Variants in SOCS4 observed in about 807,000 individuals in gnomAD.
The protein encoded by SOCS4 is suppressor of cytokine signaling 4, also known as SH2 domain containing SOCS box protein.
In SOCS4, 20 loss-of-function variants were observed where a neutral mutation model predicts 34.1. The observed-to-expected ratio is 0.59, with a 90% CI of 0.41 to 0.85. The LOEUF (loss-of-function observed/expected upper bound fraction) is 0.85, where lower values mean the gene tolerates loss of function less well. Among genes scored for constraint, SOCS4 ranks in the 40% least tolerant of loss-of-function variants. The probability of loss-of-function intolerance (pLI) is 0.00; values close to 1 mark genes in which losing one functional copy is unlikely to be tolerated. For synonymous variants in SOCS4, 180 were observed against 186.4 expected, an observed-to-expected ratio of 0.97 and a Z score of 0.28; for missense variants, 479 against 532.4, an observed-to-expected ratio of 0.90 and a Z score of 0.99.
chr14:55,043,732 G>C lies in SOCS4; in HGVS notation c.691G>C (p.Asp231His). 6.2e-7 allele frequency: 1 copy of C among 1,614,062 alleles called. No individual in the cohort carries two copies. The highest frequency in any genetic ancestry group is 8.5e-7 in the Non-Finnish European group (1 of 1,179,996). Residue 231 changes from aspartate (D) to histidine (H), a missense_variant, in exon 3 of 3, where the codon GAT becomes CAT. Asp to His is a moderately conservative substitution (Grantham distance 81, BLOSUM62 -1). Transcript: ENST00000555846. ...TATAGAAGATAGTGATATGGATTCC[G>C]ATGATGAAATTCTAACACTTTGCAC... ...NSIEDSDMDSDDEILTLCTSS... is the reference protein window; with the variant it reads ...NSIEDSDMDSHDEILTLCTSS...
intron 1 of SOCS4, among the ~76,000 whole-genome samples, chr14:55,028,688 T>C (rs565983851): frequency 6.6e-6 from 1 of 152,328 alleles, no homozygotes; most frequent in African/African-American, 2.4e-5. Flanking sequence ...TGTCCACACA[T>C]CTGTCATTTT....
intron 1 of SOCS4, among the ~76,000 whole-genome samples, chr14:55,028,909 A>G (rs1253264821): frequency 6.6e-6 from 1 of 152,220 alleles, no homozygotes; most frequent in Non-Finnish European, 1.5e-5. Flanking sequence ...TCGCATTGTT[A>G]GAGTATATAG....
At position 55,045,794 on chromosome 14, in the gene SOCS4, TGCTAGTTTA is replaced by T. The variant is rs1355565832; in HGVS notation, c.*1435_*1443del. ...TTTAATATCGTAACTGATTTCTTGA[TGCTAGTTTA>T]GCTATATTAGGAAACTGCTTCTACC... On this transcript the variant is annotated 3_prime_UTR_variant, in exon 3 of 3. Transcript: ENST00000555846. 1 of 167,002 alleles carries T rather than the reference TGCTAGTTTA, an allele frequency of 6.0e-6. No homozygotes were observed. The highest frequency in any genetic ancestry group is 2.4e-5 in the African/African-American group (1 of 41,454). The allele number at this position is 167,002 out of a possible 1,614,324, so 10.3% of individuals were successfully genotyped here. A position where few individuals can be genotyped will look rare whatever the true frequency, so the allele number is the denominator to read the frequency against.
At chr14:55,034,271 A>G (rs1012566729) in intron 2 of SOCS4, among the ~76,000 whole-genome samples, 3 of 152,246 alleles carry the variant, frequency 2.0e-5, no homozygotes, top group East Asian at 1.9e-4. Flanking sequence ...CCATCTGACA[A>G]TGCATGATGG....
In SOCS4 at chr14:55,044,163, A is replaced by G; in HGVS notation, c.1122A>G (p.Glu374=). 6.2e-7 allele frequency: 1 copy of G among 1,614,052 alleles called. No individual in the cohort carries two copies. The change falls in exon 3 of 3, where the codon GAA becomes GAG. Residue 374 remains glutamate, a synonymous_variant. Coordinates refer to ENST00000555846, the MANE Select transcript of SOCS4 (RefSeq NM_199421.2). ...YKDPSACMFF[E]PLLSTPLIRT... The stretch of plus-strand genomic sequence containing the variant: ...ACCCAAGCGCCTGTATGTTCTTTGA[A>G]CCACTTCTATCCACTCCCTTAATTC...
chr14:55,044,012 T>C lies in SOCS4; in HGVS notation c.971T>C (p.Phe324Ser), dbSNP rs1476403295. ...AQEDYLFSVS[F>S]RRYSRSLHAR... ...GAAGACTATTTATTCTCTGTTAGTTTTAGACGCTATAGTCGTTCTCTTCAT... is the reference window on the plus strand; with the variant it reads ...GAAGACTATTTATTCTCTGTTAGTTCTAGACGCTATAGTCGTTCTCTTCAT... Residue 324 changes from phenylalanine to serine, a missense_variant, in exon 3 of 3, where the codon TTT (phenylalanine) becomes TCT (serine). Phe to Ser is a radical substitution (Grantham distance 155). Transcript: ENST00000555846. The C allele has an allele frequency of 6.2e-7, 1 of 1,614,156 alleles. No individual in the cohort carries two copies. Among genetic ancestry groups the C allele is most frequent in the Non-Finnish European group, 8.5e-7 (1 of 1,180,002 alleles).
At position 55,045,675 on chromosome 14, in the gene SOCS4, C is replaced by T; in HGVS notation, c.*1311C>T. ...CTAGTAAAAATAAATGGAGTGGTAT[C>T]CTATCTTCTTTTTTTAAGGAATCAA... On this transcript the variant is annotated 3_prime_UTR_variant, in exon 3 of 3. Transcript: ENST00000555846. The T allele has an allele frequency of 6.0e-6, 1 of 166,906 alleles. No homozygotes were observed. 10.3% of individuals were successfully genotyped at this position (166,906 alleles called of 1,614,324 possible).
At chr14:55,036,276 G>A (rs892587158) in intron 2 of SOCS4, among the ~76,000 whole-genome samples, 3 of 151,790 alleles carry the variant, frequency 2.0e-5, no homozygotes, top group African/African-American at 7.3e-5. Context: ...TTAGAATAAT[G>A]TACTTTGATG....
chr14:55,044,284 A>G lies in SOCS4; in HGVS notation c.1243A>G (p.Met415Val), dbSNP rs777594494. ...GIDALPIPSS[M>V]KLYLKEYHYK... Reference sequence around the variant, plus strand: ...CGATGCCCTTCCAATTCCTTCTTCTATGAAATTATATCTGAAGGAATATCA... The same window carrying G: ...CGATGCCCTTCCAATTCCTTCTTCTGTGAAATTATATCTGAAGGAATATCA... The change falls in exon 3 of 3, where the codon ATG (methionine) becomes GTG (valine). Residue 415 changes from methionine to valine, a missense_variant. Transcript: ENST00000555846. 6 of 1,613,794 alleles carry G rather than the reference A, an allele frequency of 3.7e-6. No homozygotes were observed. The highest frequency in any genetic ancestry group is 1.6e-4 in the Middle Eastern group (1 of 6,084).
intron 2 of SOCS4, among the ~76,000 whole-genome samples, chr14:55,041,410 C>G (rs2042616668): frequency 7.2e-6 from 1 of 138,596 alleles, no homozygotes; most frequent in Non-Finnish European, 1.6e-5. Context: ...TTTTTTGTTG[C>G]AAAATTTATT....
chr14:55,046,017 T>A lies in SOCS4; in HGVS notation c.*1653T>A, dbSNP rs552663785. The A allele has an allele frequency of 6.0e-6, 1 of 166,782 alleles. No homozygotes were observed. Among genetic ancestry groups the A allele is most frequent in the African/African-American group, 2.4e-5 (1 of 41,534 alleles). The allele number at this position is 166,782 out of a possible 1,614,324, so 10.3% of individuals were successfully genotyped here. On this transcript the variant is annotated 3_prime_UTR_variant, in exon 3 of 3. Transcript: ENST00000555846. ...AAATTAAGGAAAATCTCTATTACCGTTATCTTTTAGCATTTTTTTTTTCCT... is the reference window on the plus strand; with the variant it reads ...AAATTAAGGAAAATCTCTATTACCGATATCTTTTAGCATTTTTTTTTTCCT...
chr14:55,029,470 G>C (rs530613922), intron 1 of SOCS4, among the ~76,000 whole-genome samples: 3 of 152,222 alleles, frequency 2.0e-5, no homozygotes, highest in Admixed American at 1.3e-4. Context: ...ACTACCCTTA[G>C]ACTCACAAAT....
At chr14:55,041,850 G>C (rs1339719622) in intron 2 of SOCS4, among the ~76,000 whole-genome samples, 1 of 139,206 alleles carries the variant, frequency 7.2e-6, no homozygotes, top group Admixed American at 7.4e-5. Context: ...GGAGTGCCGT[G>C]GCGCAGTCTT....
rs2042672198 is a variant in SOCS4 at position 55,045,967 on chromosome 14, A to T, written c.*1603A>T. ...ATGGCATTTTTCCATAATAGCTTTAAAATAATTTTTTAGTAATTATTACAA... is the reference window on the plus strand; with the variant it reads ...ATGGCATTTTTCCATAATAGCTTTATAATAATTTTTTAGTAATTATTACAA... On this transcript the variant is annotated 3_prime_UTR_variant, in exon 3 of 3. Coordinates refer to ENST00000555846, the MANE Select transcript of SOCS4 (RefSeq NM_199421.2). 6.0e-6 allele frequency: 1 copy of T among 166,892 alleles called. No homozygotes were observed. Among genetic ancestry groups the T allele is most frequent in the African/African-American group, 2.4e-5 (1 of 41,460 alleles). The allele number at this position is 166,892 out of a possible 1,614,324, so 10.3% of individuals were successfully genotyped here.
chr14:55,035,679 A>G (rs1175990726), intron 2 of SOCS4, among the ~76,000 whole-genome samples: 1 of 152,216 alleles, frequency 6.6e-6, no homozygotes, highest in African/African-American at 2.4e-5. Flanking sequence ...TATATTGAGT[A>G]ATTAATACAT....
At chr14:55,037,604 C>T (rs2042584933) in intron 2 of SOCS4, among the ~76,000 whole-genome samples, 1 of 152,012 alleles carries the variant, frequency 6.6e-6, no homozygotes, top group Non-Finnish European at 1.5e-5. Context: ...AGCGATTCTC[C>T]TGCCTCAGCC....
intron 2 of SOCS4, among the ~76,000 whole-genome samples, chr14:55,037,746 G>A (rs879447502): frequency 1.6e-4 from 24 of 150,260 alleles, no homozygotes; most frequent in Non-Finnish European, 2.4e-4. Flanking sequence ...CTCCCGCCTC[G>A]GCCTCCCAAA....
In SOCS4 at chr14:55,043,228, A is replaced by G. The variant is rs2042636572; in HGVS notation, c.187A>G (p.Arg63Gly). Residue 63 changes from arginine to glycine, a missense_variant, in exon 3 of 3, where the codon AGG (arginine) becomes GGG (glycine). Coordinates refer to ENST00000555846, the MANE Select transcript of SOCS4 (RefSeq NM_199421.2). ...TATAGAGAAAACCGAAGTGTCTTTAAGGAACCAAGAAAGGAAGCACAGCTG... is the reference window on the plus strand; with the variant it reads ...TATAGAGAAAACCGAAGTGTCTTTAGGGAACCAAGAAAGGAAGCACAGCTG... ...NGIEKTEVSL[R>G]NQERKHSCSS... is the part of the protein sequence containing the mutation. The G allele has an allele frequency of 6.2e-7, 1 of 1,614,246 alleles. No homozygotes were observed. The highest frequency in any genetic ancestry group is 8.5e-7 in the Non-Finnish European group (1 of 1,180,052).
At chr14:55,033,700 C>A (rs1218779587) in intron 2 of SOCS4, among the ~76,000 whole-genome samples, 1 of 152,230 alleles carries the variant, frequency 6.6e-6, no homozygotes, top group East Asian at 1.9e-4. Context: ...AAAAGTTCAA[C>A]AACTTATGTA....
Sources: gnomAD v4.1 joint callset for allele counts (sites outside exome capture counted in the v4.1 genomes callset) on GRCh38, gnomAD v4.1.1 for gene constraint, MANE v1.5 for transcripts, NCBI Gene and HGNC (gene_info 2026-07-23, HGNC 2026-07-21) for gene names.